CDH12: variants seen among roughly 807,000 people sequenced by gnomAD.
CDH12 encodes the protein cadherin 12.
A neutral mutation model predicts 74.1 loss-of-function variants in CDH12; 41 were observed. That is an observed-to-expected ratio of 0.55 (90% CI 0.43 to 0.72). The LOEUF is 0.72. CDH12 is among the 30% of genes least tolerant of loss of function. The pLI is 0.00. For missense variants in CDH12, 945 were observed against 977.2 expected (o/e 0.97, Z 0.44); for synonymous variants, 399 against 355.0 (o/e 1.12, Z -1.39).
intron 1 of CDH12, among the ~76,000 whole-genome samples, chr5:22,768,486 A>AC (rs1455363709): frequency 6.6e-6 from 1 of 152,046 alleles, no homozygotes; most frequent in Non-Finnish European, 1.5e-5. Context: ...GTAGAATGTG[A>AC]TTTTTTTCAT....
At chr5:22,188,722 A>T (rs1750105391) in intron 4 of CDH12, among the ~76,000 whole-genome samples, 1 of 152,118 alleles carries the variant, frequency 6.6e-6, no homozygotes, top group Admixed American at 6.5e-5. Context: ...GGGATGTTTC[A>T]TTATCCTCAA....
At position 21,968,726 on chromosome 5, in the gene CDH12, T is replaced by G. The variant is rs193122950; in HGVS notation, c.526+6365A>C. Among the ~76,000 whole-genome samples, 200 of 152,272 alleles carry G rather than the reference T, an allele frequency of 1.3e-3. 3 individuals carry two copies. The highest frequency in any genetic ancestry group is 6.8e-3 in the Middle Eastern group (2 of 294). On this transcript the variant is annotated intron_variant, in intron 6 of 14. Transcript: ENST00000382254. ...TTTTGGTGAGTGTGTAGTAAGTAAC[T>G]GGCCTCTTTAGTATCACAAAGCTGG...
intron 4 of CDH12, among the ~76,000 whole-genome samples, chr5:22,102,489 T>C (rs1580254018): frequency 1.3e-5 from 2 of 151,982 alleles, no homozygotes; most frequent in South Asian, 4.1e-4. Flanking sequence ...ATCAACATGG[T>C]GAAGCCCCGT....
At chr5:21,806,123 G>T (rs987282288) in intron 9 of CDH12, among the ~76,000 whole-genome samples, 6 of 152,116 alleles carry the variant, frequency 3.9e-5, no homozygotes, top group Non-Finnish European at 7.4e-5. Flanking sequence ...GGAGGAATTG[G>T]GGAAGGGGGG....
intron 2 of CDH12, among the ~76,000 whole-genome samples, chr5:22,408,961 T>C (rs1746387648): frequency 6.6e-6 from 1 of 152,036 alleles, no homozygotes; most frequent in Non-Finnish European, 1.5e-5. Flanking sequence ...CATACTGACT[T>C]ACCTATCACC....
Position 22,293,068 on chromosome 5 carries a change from C to T in CDH12, c.-332-80425G>A, listed in dbSNP as rs192509232. ...CCACATCCATTCCCAATCTGTAACA[C>T]ACATCTGTTCTCAATCTCTAAAAAC... On this transcript the variant is annotated intron_variant, in intron 3 of 14. Transcript: ENST00000382254. Among the ~76,000 whole-genome samples the T allele has an allele frequency of 4.5e-3, 680 of 152,022 alleles. 5 individuals are homozygous for T. The highest frequency in any genetic ancestry group is 0.016 in the African/African-American group (654 of 41,478).
At chr5:21,991,584 A>G (rs1023882518) in intron 5 of CDH12, among the ~76,000 whole-genome samples, 2 of 1,806 alleles carry the variant, frequency 1.1e-3, no homozygotes, top group East Asian at 0.038. Context: ...ATAAATCTCA[A>G]TGCTCTTAAC....
chr5:22,139,109 T>C (rs1369485425), intron 4 of CDH12: 1 of 149,988 alleles, frequency 6.7e-6, no homozygotes, highest in Non-Finnish European at 1.5e-5. Flanking sequence ...ATAGTAATAA[T>C]TCTGGAGAGT....
At chr5:22,672,548 TC>T (rs562516730) in intron 1 of CDH12, among the ~76,000 whole-genome samples, 2 of 152,244 alleles carry the variant, frequency 1.3e-5, no homozygotes, top group South Asian at 4.1e-4. Flanking sequence ...GCTTCCACCA[TC>T]CACCCTTCTG....
At chr5:22,342,954 T>C (rs1180088352) in intron 3 of CDH12, among the ~76,000 whole-genome samples, 1 of 152,044 alleles carries the variant, frequency 6.6e-6, no homozygotes, top group East Asian at 1.9e-4. Flanking sequence ...GTTAAAGGGA[T>C]TCTTGTGTCT....
chr5:22,016,011 T>C (rs938643236), intron 5 of CDH12, among the ~76,000 whole-genome samples: 1 of 152,180 alleles, frequency 6.6e-6, no homozygotes, highest in African/African-American at 2.4e-5. Context: ...GACAGCATCA[T>C]AGTTACACAA....
At chr5:21,992,540 T>C (rs1757796536) in intron 5 of CDH12, among the ~76,000 whole-genome samples, 1 of 152,014 alleles carries the variant, frequency 6.6e-6, no homozygotes, top group African/African-American at 2.4e-5. Context: ...ATTCTTGGAG[T>C]CCATGGAATT....
intron 4 of CDH12, among the ~76,000 whole-genome samples, chr5:22,132,373 A>C (rs1746220853): frequency 6.6e-6 from 1 of 151,976 alleles, no homozygotes; most frequent in South Asian, 2.1e-4. Context: ...AAATCCATGA[A>C]GTGACTTTGC....
chr5:22,240,745 G>A (rs1752719928), intron 3 of CDH12, among the ~76,000 whole-genome samples: 1 of 152,068 alleles, frequency 6.6e-6, no homozygotes, highest in African/African-American at 2.4e-5. Flanking sequence ...TGTTGACCAG[G>A]CTGGTCTCAA....
chr5:21,954,745 C>T, intron 6 of CDH12, among the ~76,000 whole-genome samples: 1 of 152,070 alleles, frequency 6.6e-6, no homozygotes, highest in Non-Finnish European at 1.5e-5. Context: ...ACTGGAGGAA[C>T]AACTGATGTA....
chr5:22,205,002 A>G (rs1751142431), intron 4 of CDH12, among the ~76,000 whole-genome samples: 1 of 152,206 alleles, frequency 6.6e-6, no homozygotes, highest in Admixed American at 6.5e-5. Flanking sequence ...GGCCTTGTCA[A>G]CATGTATCCC....
At chr5:21,922,932 GT>G (rs1201328140) in intron 6 of CDH12, among the ~76,000 whole-genome samples, 1 of 116,864 alleles carries the variant, frequency 8.6e-6, no homozygotes, top group Non-Finnish European at 1.9e-5. Flanking sequence ...AAAGATGTGT[GT>G]ATGTGTATCT....
At chr5:21,833,284 ATAACATATAATATATATTATATGT>A (rs1749283120) in intron 8 of CDH12, among the ~76,000 whole-genome samples, 1 of 52,600 alleles carries the variant, frequency 1.9e-5, no homozygotes, top group African/African-American at 1.8e-4. Flanking sequence ...TATATGTTAT[ATAACATATAATATATATTATATGT>A]TATATGTTAT....
rs554754294 is a variant in CDH12, at chr5:22,121,442, A to T, written c.-186-42580T>A. On this transcript the variant is annotated intron_variant, in intron 4 of 14. Transcript: ENST00000382254. ...TGGCATTTGGAGGGCAAGAAGAACT[A>T]ACAAAGACATGCAGTTCATGCTGCC... Among the ~76,000 whole-genome samples the T allele has an allele frequency of 9.2e-5, 14 of 152,310 alleles. No individual in the cohort carries two copies. In the South Asian group the frequency reaches 2.7e-3, roughly 29 times the overall value.
Sources: gnomAD v4.1 joint callset for allele counts (sites outside exome capture counted in the v4.1 genomes callset) on GRCh38, gnomAD v4.1.1 for gene constraint, MANE v1.5 for transcripts, NCBI Gene and HGNC (gene_info 2026-07-23, HGNC 2026-07-21) for gene names.